Variants in SLC25A48 observed in about 807,000 individuals in gnomAD.
SLC25A48 encodes the protein solute carrier family 25 member 48.
In SLC25A48, 29 loss-of-function variants were observed where a neutral mutation model predicts 32.2. The observed-to-expected ratio is 0.90, with a 90% CI of 0.67 to 1.23. The LOEUF is 1.23. Among genes scored for constraint, SLC25A48 ranks in the 50% most tolerant of loss-of-function variants. SLC25A48 has a pLI of 0.00. For synonymous variants in SLC25A48, 164 were observed against 172.3 expected, an observed-to-expected ratio of 0.95 and a Z score of 0.38; for missense variants, 399 against 422.7, an observed-to-expected ratio of 0.94 and a Z score of 0.49.
chr5:135,699,349 C>A (rs995723532), intron 3 of SLC25A48, among the ~76,000 whole-genome samples: 15 of 150,036 alleles, frequency 1.0e-4, no homozygotes, highest in Non-Finnish European at 1.3e-4. Context: ...GGAGAAAGAA[C>A]AAACTACTAA....
At chr5:135,601,589 A>G in intron 1 of SLC25A48, among the ~76,000 whole-genome samples, 1 of 151,620 alleles carries the variant, frequency 6.6e-6, no homozygotes, top group East Asian at 1.9e-4. Flanking sequence ...TTTTGAAGAA[A>G]CTCCCTTTCC....
chr5:135,798,273 A>G (rs1328843134), intron 3 of SLC25A48, among the ~76,000 whole-genome samples: 1 of 151,716 alleles, frequency 6.6e-6, no homozygotes, highest in African/African-American at 2.4e-5. Context: ...TGTTTCTAAT[A>G]TCCAGGGGGA....
At chr5:135,667,743 G>A (rs1411983619) in intron 3 of SLC25A48, among the ~76,000 whole-genome samples, 2 of 152,154 alleles carry the variant, frequency 1.3e-5, no homozygotes, top group African/African-American at 4.8e-5. Context: ...AAATACCTTT[G>A]AATGAATGAC....
rs1342571511 is a variant in SLC25A48, at chr5:135,722,419, G to C, written c.-521+87463G>C. Among the ~76,000 whole-genome samples the C allele has an allele frequency of 3.2e-4, 48 of 152,174 alleles. 1 individual carries two copies. The highest frequency in any genetic ancestry group is 3.1e-3 in the Admixed American group (48 of 15,274). On this transcript the variant is annotated intron_variant, in intron 3 of 10. Coordinates refer to the SLC25A48 transcript ENST00000646290. ...GACTGGCTGAGGGACCTATGAATTT[G>C]TGTGTTTGTAGCAAAAGGTATTTGC...
At position 135,618,083 on chromosome 5, in the gene SLC25A48, A is replaced by G. The variant is rs949227501; in HGVS notation, c.-848-11154A>G. ...TTAGATCTAATAATTTTTGCTTCAAATATCTGTGTGCCCCAGTGTTGAGTG... is the reference window on the plus strand; with the variant it reads ...TTAGATCTAATAATTTTTGCTTCAAGTATCTGTGTGCCCCAGTGTTGAGTG... On this transcript the variant is annotated intron_variant, in intron 1 of 10. Coordinates refer to the SLC25A48 transcript ENST00000646290. Among the ~76,000 whole-genome samples the G allele has an allele frequency of 9.3e-5, 14 of 151,052 alleles. 1 individual carries two copies. The highest frequency in any genetic ancestry group is 3.2e-4 in the African/African-American group (13 of 40,440).
At chr5:135,834,951 T>A in intron 1 of SLC25A48, 58 bp downstream of exon 1, 1 of 1,558,340 alleles carries the variant, frequency 6.4e-7, no homozygotes. Context: ...GGAGTTTGCC[T>A]CTATGCTCTG....
intron 1 of SLC25A48, among the ~76,000 whole-genome samples, chr5:135,594,621 A>T (rs1439657350): frequency 6.6e-6 from 1 of 152,156 alleles, no homozygotes; most frequent in Non-Finnish European, 1.5e-5. Flanking sequence ...GTTGAACTAA[A>T]CCTAACCCTA....
At chr5:135,790,679 G>A (rs572937087) in intron 3 of SLC25A48, among the ~76,000 whole-genome samples, 3 of 132,190 alleles carry the variant, frequency 2.3e-5, no homozygotes, top group Admixed American at 7.3e-5. Context: ...ATATCCTCTG[G>A]TGATGCTACT....
intron 3 of SLC25A48, among the ~76,000 whole-genome samples, chr5:135,771,063 G>A (rs540011809): frequency 7.9e-5 from 12 of 151,444 alleles, no homozygotes; most frequent in Middle Eastern, 3.4e-3. Flanking sequence ...AATATTTAGG[G>A]AGGGGAGAGA....
intron 1 of SLC25A48, 124 bp from the exon 2 acceptor site, chr5:135,842,292 C>T: frequency 2.1e-6 from 2 of 961,992 alleles, no homozygotes; most frequent in East Asian, 2.4e-5. Context: ...TTGGAGCCCA[C>T]CCACTCCCCC....
intron 3 of SLC25A48, among the ~76,000 whole-genome samples, chr5:135,770,927 A>G (rs777007488): frequency 1.7e-4 from 26 of 151,884 alleles, no homozygotes; most frequent in Non-Finnish European, 4.4e-5. Flanking sequence ...AGAGAATTAT[A>G]TTACTTCCAA....
intron 3 of SLC25A48, among the ~76,000 whole-genome samples, chr5:135,731,424 T>C (rs1263028568): frequency 6.6e-6 from 1 of 151,988 alleles, no homozygotes; most frequent in Non-Finnish European, 1.5e-5. Context: ...TAAAACAAAA[T>C]AGTGGTAAAG....
Position 135,852,763 on chromosome 5 carries a change from AG to A in SLC25A48, c.366del (p.Val124TrpfsTer22). 1.2e-6 allele frequency: 2 copies of A among 1,613,954 alleles called. No homozygotes were observed. The highest frequency in any genetic ancestry group is 1.7e-6 in the Non-Finnish European group (2 of 1,179,928). On this transcript the variant is annotated frameshift_variant, in exon 4 of 8. Transcript: ENST00000681962. LOFTEE classifies it high-confidence loss of function. ...VAGVVSVGLGGPVDLIKIRLQ... is the reference protein window; with the variant it reads ...VAGVVSVGLGXPVDLIKIRLQ... Reference sequence around the variant, plus strand: ...CCGGCGTGGTCTCTGTCGGGCTGGGAGGGCCCGTGGACCTCATCAAGATCCG... The same window carrying A: ...CCGGCGTGGTCTCTGTCGGGCTGGGAGGCCCGTGGACCTCATCAAGATCCG...
At chr5:135,642,450 C>G (rs1752862345) in intron 3 of SLC25A48, among the ~76,000 whole-genome samples, 1 of 152,206 alleles carries the variant, frequency 6.6e-6, no homozygotes, top group Non-Finnish European at 1.5e-5. Flanking sequence ...GGACCAAAAC[C>G]CCTTAGGTAG....
intron 3 of SLC25A48, among the ~76,000 whole-genome samples, chr5:135,729,552 A>G (rs1289645292): frequency 6.6e-6 from 1 of 152,226 alleles, no homozygotes; most frequent in Non-Finnish European, 1.5e-5. Flanking sequence ...AAAAAGTGGC[A>G]TCTTGCTTGC....
At chr5:135,747,037 A>G (rs759698627) in intron 3 of SLC25A48, among the ~76,000 whole-genome samples, 1 of 150,236 alleles carries the variant, frequency 6.7e-6, no homozygotes, top group African/African-American at 2.4e-5. Flanking sequence ...GATAATGTCA[A>G]TTTGTCCCGT....
chr5:135,833,338 G>C (rs1758277682), upstream of SLC25A48, among the ~76,000 whole-genome samples: 1 of 152,256 alleles, frequency 6.6e-6, no homozygotes, highest in African/African-American at 2.4e-5. Context: ...ACAGGACTGA[G>C]GGGATGACAA....
intron 1 of SLC25A48, among the ~76,000 whole-genome samples, chr5:135,622,884 G>C (rs1561762176): frequency 6.6e-6 from 1 of 152,236 alleles, no homozygotes; most frequent in Non-Finnish European, 1.5e-5. Flanking sequence ...TAATAGATCA[G>C]TGAAGCTGAA....
At chr5:135,773,756 C>G (rs1318123423) in intron 3 of SLC25A48, among the ~76,000 whole-genome samples, 1 of 151,048 alleles carries the variant, frequency 6.6e-6, no homozygotes, top group East Asian at 1.9e-4. Flanking sequence ...TTCTAATATA[C>G]ATGAAGGGAG....
Sources: gnomAD v4.1 joint callset for allele counts (sites outside exome capture counted in the v4.1 genomes callset) on GRCh38, gnomAD v4.1.1 for gene constraint, MANE v1.5 for transcripts, NCBI Gene and HGNC (gene_info 2026-07-23, HGNC 2026-07-21) for gene names.